VCAM1: variants seen among roughly 807,000 people sequenced by gnomAD.
The protein encoded by VCAM1 is vascular cell adhesion protein 1.
Under a neutral mutation model 63.8 loss-of-function variants are expected in VCAM1, and 41 were observed. That is an observed-to-expected ratio of 0.64 (90% CI 0.50 to 0.83). The LOEUF (loss-of-function observed/expected upper bound fraction) is 0.83, where lower values mean the gene tolerates loss of function less well. Ranked by LOEUF, VCAM1 falls within the 40% of genes least tolerant of loss-of-function variation. VCAM1 has a pLI of 0.00. For missense variants in VCAM1, 798 were observed against 875.5 expected, an observed-to-expected ratio of 0.91 and a Z score of 1.12; for synonymous variants, 338 against 320.7, an observed-to-expected ratio of 1.05 and a Z score of -0.58.
rs147446410 is a variant in VCAM1, at chr1:100,723,127, A to G, written c.448A>G (p.Ile150Val). The G allele has an allele frequency of 1.2e-6, 2 of 1,613,098 alleles. No homozygotes were observed. The highest frequency in any genetic ancestry group is 3.3e-5 in the Admixed American group (2 of 59,854). Residue 150 changes from isoleucine (I) to valine (V), a missense_variant, in exon 3 of 9, where the codon ATA becomes GTA. Physicochemically the swap from Ile to Val is conservative, Grantham distance 29. Coordinates refer to ENST00000294728, the MANE Select transcript of VCAM1 (RefSeq NM_001078.4). ...TGTATACCCATTTGACAGGCTGGAGATAGACTTACTGAAAGGAGATCATCT... is the reference window on the plus strand; with the variant it reads ...TGTATACCCATTTGACAGGCTGGAGGTAGACTTACTGAAAGGAGATCATCT... The part of the protein sequence containing the change: ...ADVYPFDRLE[I>V]DLLKGDHLMK...
chr1:100,733,283 C>T (rs1660529317), intron 7 of VCAM1, among the ~76,000 whole-genome samples: 2 of 152,144 alleles, frequency 1.3e-5, no homozygotes, highest in Admixed American at 1.3e-4. Context: ...AGGTTGAAGC[C>T]ATACGGAGTT....
intron 6 of VCAM1, among the ~76,000 whole-genome samples, 170 bp from the exon 7 acceptor site, chr1:100,732,248 A>G (rs1224935118): frequency 5.3e-5 from 8 of 152,158 alleles, no homozygotes; most frequent in Admixed American, 2.6e-4. Flanking sequence ...CTACTCTATC[A>G]TTTGGTATCA....
At chr1:100,732,126 A>T (rs116566345) in intron 6 of VCAM1, among the ~76,000 whole-genome samples, 169 of 152,208 alleles carry the variant, frequency 1.1e-3, no homozygotes, top group African/African-American at 3.9e-3. Flanking sequence ...AGTCATGTTG[A>T]CTCTACCATA....
At chr1:100,725,008 GC>G in intron 4 of VCAM1, 118 bp downstream of exon 4, 1 of 1,306,298 alleles carries the variant, frequency 7.7e-7, no homozygotes, top group African/African-American at 1.5e-5. Flanking sequence ...CTATCTGATT[GC>G]CATATCCTTT....
chr1:100,723,602 A>G (rs1187824259), intron 3 of VCAM1, among the ~76,000 whole-genome samples: 1 of 152,036 alleles, frequency 6.6e-6, no homozygotes, highest in Non-Finnish European at 1.5e-5. Flanking sequence ...TTCCCAGTGT[A>G]TAAAAGGGGA....
chr1:100,722,556 A>T (rs189485273), intron 2 of VCAM1, among the ~76,000 whole-genome samples: 1 of 152,176 alleles, frequency 6.6e-6, no homozygotes, highest in African/African-American at 2.4e-5. Flanking sequence ...ACAATAATGG[A>T]AATCCTGAGT....
chr1:100,722,662 C>G (rs1230954497), intron 2 of VCAM1, among the ~76,000 whole-genome samples: 2 of 152,034 alleles, frequency 1.3e-5, no homozygotes. Flanking sequence ...AATGTGATCT[C>G]TATCTCCTAG....
rs1242002599 is a variant in VCAM1, at chr1:100,731,232, T to C, written c.1239T>C (p.Gly413=). 6 of 1,612,788 alleles carry C rather than the reference T, an allele frequency of 3.7e-6. No individual in the cohort carries two copies. In the East Asian group the frequency reaches 6.7e-5, roughly 18 times the overall value. The change falls in exon 6 of 9, where the codon GGT becomes GGC. Residue 413 remains glycine, a synonymous_variant. Transcript: ENST00000294728. The surrounding 1 kb of genome is among the most constrained non-coding windows in gnomAD (Gnocchi z 4.2). ...FPRDPEIEMS[G]GLVNGSSVTV... ...GAGATCCAGAAATCGAGATGAGTGG[T>C]GGCCTCGTGAATGGGAGCTCTGTCA... is the stretch of plus-strand genomic sequence containing the variant.
At chr1:100,720,844 A>G in intron 2 of VCAM1, 93 bp downstream of exon 2, 6 of 1,378,950 alleles carry the variant, frequency 4.4e-6, no homozygotes, top group Middle Eastern at 2.3e-4. Context: ...TAAAATGGAT[A>G]TTCATGTACA....
chr1:100,738,502 G>A lies in VCAM1; in HGVS notation c.*219G>A, dbSNP rs570014110. 1 of 438,176 alleles carries A rather than the reference G, an allele frequency of 2.3e-6. No homozygotes were observed. The highest frequency in any genetic ancestry group is 4.1e-6 in the Non-Finnish European group (1 of 245,648). The allele number at this position is 438,176 out of a possible 1,614,324, so 27.1% of individuals were successfully genotyped here. On this transcript the variant is annotated 3_prime_UTR_variant, in exon 9 of 9. Coordinates refer to ENST00000294728, the MANE Select transcript of VCAM1 (RefSeq NM_001078.4). ...AACTGCCATCAAGATGAGAGAACTG[G>A]AGGAGTTCCTTGATCTGTATATACA... is the stretch of plus-strand genomic sequence containing the variant.
intron 8 of VCAM1, chr1:100,735,039 AACCATAT>A: frequency 2.6e-6 from 1 of 385,524 alleles, no homozygotes; most frequent in Non-Finnish European, 4.7e-6. Flanking sequence ...CTAAATGTTT[AACCATAT>A]TTTCAAACCT....
intron 4 of VCAM1, 79 bp from the exon 5 acceptor site, chr1:100,729,028 A>G: frequency 9.3e-6 from 13 of 1,404,802 alleles, no homozygotes; most frequent in Non-Finnish European, 1.2e-5. Flanking sequence ...CAGGAAAAAT[A>G]AAGATCATAT....
At chr1:100,734,798 G>A (rs960069756) in intron 8 of VCAM1, 30 bp downstream of exon 8, 1 of 1,609,054 alleles carries the variant, frequency 6.2e-7, no homozygotes, top group African/African-American at 1.3e-5. Context: ...TTGTTTTCTT[G>A]GTAATAGTTC....
rs749865242 is a variant in VCAM1, at chr1:100,729,071, A to T, written c.929-36A>T. ...TGTGATGAAAAAAGAAAAGAATCTTATGTTCTTTTCATCTTGTTTTCCACC... is the reference window on the plus strand; with the variant it reads ...TGTGATGAAAAAAGAAAAGAATCTTTTGTTCTTTTCATCTTGTTTTCCACC... On this transcript the variant is annotated intron_variant, in intron 4 of 8. Coordinates refer to ENST00000294728, the MANE Select transcript of VCAM1 (RefSeq NM_001078.4). 7 of 1,483,238 alleles carry T rather than the reference A, an allele frequency of 4.7e-6. No homozygotes were observed. The African/African-American group carries it at 9.9e-5, about 21-fold the overall frequency. The allele number at this position is 1,483,238 out of a possible 1,614,324, so 91.9% of individuals were successfully genotyped here.
chr1:100,727,428 A>G (rs541410499), intron 4 of VCAM1, among the ~76,000 whole-genome samples: 1 of 152,254 alleles, frequency 6.6e-6, no homozygotes, highest in Non-Finnish European at 1.5e-5. Flanking sequence ...TCAAGTGACC[A>G]GGAAAGATAT....
At chr1:100,721,115 T>A (rs1659937239) in intron 2 of VCAM1, among the ~76,000 whole-genome samples, 1 of 152,174 alleles carries the variant, frequency 6.6e-6, no homozygotes. Context: ...CTGATTGATT[T>A]ATGAATTCCA....
chr1:100,719,849 C>T lies in VCAM1; in HGVS notation c.-12C>T, dbSNP rs1385295468. The T allele has an allele frequency of 1.2e-6, 2 of 1,610,410 alleles. No homozygotes were observed. The highest frequency in any genetic ancestry group is 1.7e-6 in the Non-Finnish European group (2 of 1,177,634). On this transcript the variant is annotated 5_prime_UTR_variant, in exon 1 of 9. Transcript: ENST00000294728. Reference sequence around the variant, plus strand: ...TGGAACCACTATTTTCTCATCACGACAGCAACTTAAAATGCCTGGGAAGAT... The same window carrying T: ...TGGAACCACTATTTTCTCATCACGATAGCAACTTAAAATGCCTGGGAAGAT...
At chr1:100,721,303 AT>A (rs34037455) in intron 2 of VCAM1, among the ~76,000 whole-genome samples, 3 of 151,136 alleles carry the variant, frequency 2.0e-5, no homozygotes, top group African/African-American at 4.9e-5. Flanking sequence ...CACATTTAGG[AT>A]TTTTTTTTGG....
intron 3 of VCAM1, among the ~76,000 whole-genome samples, chr1:100,724,019 T>A (rs1238980678): frequency 1.3e-5 from 2 of 152,194 alleles, no homozygotes; most frequent in Non-Finnish European, 2.9e-5. Flanking sequence ...CTGGGAAGGC[T>A]TTTAACAATA....
Sources: gnomAD v4.1 joint callset for allele counts (sites outside exome capture counted in the v4.1 genomes callset) on GRCh38, gnomAD v4.1.1 for gene constraint, Gnocchi (gnomAD v3.1) non-coding constraint, MANE v1.5 for transcripts, NCBI Gene and HGNC (gene_info 2026-07-23, HGNC 2026-07-21) for gene names.